The following PGCKA1 variants were observed in gnomAD, a reference collection of about 807,000 sequenced individuals.
PGCKA1 encodes PDCD10 and GCKIII kinases-associated protein 1.
chr4:37,563,280 C>A, the PGCKA1 span, among the ~76,000 whole-genome samples: 1 of 152,084 alleles, frequency 6.6e-6, no homozygotes, highest in Non-Finnish European at 1.5e-5. Context: ...TCCTGGAGGC[C>A]GGGAGGTCCA....
the PGCKA1 span, among the ~76,000 whole-genome samples, chr4:37,535,470 G>A: frequency 2.0e-5 from 3 of 152,120 alleles, no homozygotes; most frequent in Non-Finnish European, 4.4e-5. Context: ...GGAGTGGGGG[G>A]CCACAGTGAT....
At chr4:37,545,260 C>G in the PGCKA1 span, among the ~76,000 whole-genome samples, 1 of 152,086 alleles carries the variant, frequency 6.6e-6, no homozygotes, top group African/African-American at 2.4e-5. Flanking sequence ...GGCTGCAGTC[C>G]CCAACATTTC....
the PGCKA1 span, among the ~76,000 whole-genome samples, chr4:37,570,697 G>T: frequency 6.6e-6 from 1 of 152,210 alleles, no homozygotes; most frequent in Admixed American, 6.5e-5. Context: ...TTAGCAAATT[G>T]TTGGAAATTT....
the PGCKA1 span, among the ~76,000 whole-genome samples, chr4:37,586,436 G>A: frequency 0.94 from 142,448 of 152,276 alleles, 66,830 homozygotes; most frequent in Middle Eastern, 0.98. Context: ...GGTGGAGCAC[G>A]GTAAGGAAAG....
the PGCKA1 span, among the ~76,000 whole-genome samples, chr4:37,517,294 TATAA>T: frequency 1.4e-5 from 2 of 147,414 alleles, no homozygotes; most frequent in Admixed American, 1.4e-4. Flanking sequence ...TATGTATAAA[TATAA>T]ATATATATAA....
chr4:37,533,514 G>A, the PGCKA1 span, among the ~76,000 whole-genome samples: 1 of 152,184 alleles, frequency 6.6e-6, no homozygotes, highest in Non-Finnish European at 1.5e-5. Flanking sequence ...CATTGCAGAA[G>A]GTGGGGCTGC....
At chr4:37,563,120 G>A in the PGCKA1 span, among the ~76,000 whole-genome samples, 1 of 151,838 alleles carries the variant, frequency 6.6e-6, no homozygotes, top group Non-Finnish European at 1.5e-5. Flanking sequence ...CCAGTCTTGA[G>A]TCCGGAAAAA....
chr4:37,554,193 G>C, the PGCKA1 span, among the ~76,000 whole-genome samples: 1 of 152,240 alleles, frequency 6.6e-6, no homozygotes, highest in Non-Finnish European at 1.5e-5. Flanking sequence ...CTTTGCATCT[G>C]CTTCACCATC....
chr4:37,555,136 G>A, the PGCKA1 span, among the ~76,000 whole-genome samples: 7 of 152,084 alleles, frequency 4.6e-5, no homozygotes, highest in Non-Finnish European at 1.0e-4. Flanking sequence ...GCCACATCCA[G>A]TTGGTTTCCT....
At chr4:37,511,688 C>T in the PGCKA1 span, among the ~76,000 whole-genome samples, 1 of 152,184 alleles carries the variant, frequency 6.6e-6, no homozygotes, top group Non-Finnish European at 1.5e-5. Context: ...ATGATGTAGG[C>T]ACTCCCTTAG....
the PGCKA1 span, among the ~76,000 whole-genome samples, chr4:37,471,663 A>T: frequency 6.6e-6 from 1 of 152,168 alleles, no homozygotes; most frequent in Non-Finnish European, 1.5e-5. Flanking sequence ...TCAAAGAGGT[A>T]TATAATATCC....
the PGCKA1 span, among the ~76,000 whole-genome samples, chr4:37,552,055 A>G: frequency 2.0e-5 from 3 of 152,194 alleles, no homozygotes; most frequent in Non-Finnish European, 4.4e-5. Flanking sequence ...TTAAGAAAAA[A>G]AACAAGGAAG....
At chr4:37,582,148 G>A in the PGCKA1 span, among the ~76,000 whole-genome samples, 4 of 152,114 alleles carry the variant, frequency 2.6e-5, no homozygotes, top group South Asian at 2.1e-4. Context: ...AATGGGCAGC[G>A]GCAGTTCAAG....
the PGCKA1 span, chr4:37,460,542 C>A: frequency 0.018 from 8,358 of 452,978 alleles, 568 homozygotes; most frequent in African/African-American, 0.15. Flanking sequence ...GACTGGTATG[C>A]TGTGGAATCT....
chr4:37,459,946 T>A, the PGCKA1 span, among the ~76,000 whole-genome samples: 1 of 152,054 alleles, frequency 6.6e-6, no homozygotes, highest in Non-Finnish European at 1.5e-5. Context: ...CACCTAGATA[T>A]TAAGCCCTGC....
At chr4:37,555,329 C>G in the PGCKA1 span, among the ~76,000 whole-genome samples, 12 of 152,310 alleles carry the variant, frequency 7.9e-5, no homozygotes, top group South Asian at 6.2e-4. Flanking sequence ...TTCTAACAGA[C>G]AGTTGGATAC....
the PGCKA1 span, among the ~76,000 whole-genome samples, chr4:37,581,227 T>C: frequency 6.6e-6 from 1 of 152,202 alleles, no homozygotes; most frequent in East Asian, 1.9e-4. This position sits in a 1 kb window ranked among gnomAD's most constrained non-coding sequence, Gnocchi z 4.4. Flanking sequence ...CTTGGTGCTC[T>C]ACCCCACTGT....
the PGCKA1 span, among the ~76,000 whole-genome samples, chr4:37,549,439 A>G: frequency 6.6e-6 from 1 of 152,228 alleles, no homozygotes; most frequent in Non-Finnish European, 1.5e-5. Flanking sequence ...TGGGGTTTCC[A>G]AAGGCTGACC....
chr4:37,483,049 G>T, the PGCKA1 span, among the ~76,000 whole-genome samples: 119 of 152,296 alleles, frequency 7.8e-4, 1 homozygote, highest in East Asian at 0.021. Context: ...TGTGTCATGG[G>T]AGGGGCCCAG....
Sources: gnomAD v4.1 joint callset for allele counts (sites outside exome capture counted in the v4.1 genomes callset) on GRCh38, gnomAD v4.1.1 for gene constraint, Gnocchi (gnomAD v3.1) non-coding constraint, MANE v1.5 for transcripts, NCBI Gene and HGNC (gene_info 2026-07-23, HGNC 2026-07-21) for gene names.